Variants in CPT1A observed in about 807,000 individuals in gnomAD.
CPT1A encodes the protein carnitine O-palmitoyltransferase 1, liver isoform.
CPT1A carries 64 observed loss-of-function variants against 100.8 expected under a neutral mutation model. The observed-to-expected ratio is 0.63, with a 90% CI of 0.52 to 0.78. CPT1A has a LOEUF of 0.78. Ranked by LOEUF, CPT1A falls within the 30% of genes least tolerant of loss-of-function variation. The pLI, the probability that CPT1A is intolerant of heterozygous loss-of-function variation, is 0.00. For missense variants in CPT1A, 802 were observed against 1,034.1 expected, an observed-to-expected ratio of 0.78 and a Z score of 3.08; for synonymous variants, 363 against 396.0, an observed-to-expected ratio of 0.92 and a Z score of 0.99.
chr11:68,826,099 CAG>C (rs1856719512), intron 1 of CPT1A, among the ~76,000 whole-genome samples: 1 of 152,210 alleles, frequency 6.6e-6, no homozygotes, highest in African/African-American at 2.4e-5. Context: ...GGCCCCAGAC[CAG>C]AGTCTGAGAG....
At chr11:68,760,383 C>A (rs772674505) in intron 16 of CPT1A, 45 bp from the exon 17 acceptor site, 1 of 1,482,818 alleles carries the variant, frequency 6.7e-7, no homozygotes, top group Non-Finnish European at 9.3e-7. Context: ...CCTCCTCTAC[C>A]GTCCCTCAGG....
At chr11:68,812,412 T>A (rs761072715) in intron 3 of CPT1A, 25 bp downstream of exon 3, 1 of 1,613,844 alleles carries the variant, frequency 6.2e-7, no homozygotes, top group Non-Finnish European at 8.5e-7. Flanking sequence ...TCCCAGACAA[T>A]TGGAGATTTC....
At chr11:68,818,590 G>C (rs1490080835) in intron 1 of CPT1A, 1 of 152,440 alleles carries the variant, frequency 6.6e-6, no homozygotes, top group African/African-American at 2.4e-5. Flanking sequence ...CAGGCACGAT[G>C]GCTCATACCT....
intron 14 of CPT1A, among the ~76,000 whole-genome samples, chr11:68,772,925 C>T (rs1855029756): frequency 6.6e-6 from 1 of 152,208 alleles, no homozygotes; most frequent in South Asian, 2.1e-4. Context: ...TACCTGCCCA[C>T]ACTATTTCCA....
At chr11:68,771,899 C>A (rs888158885) in intron 14 of CPT1A, among the ~76,000 whole-genome samples, 1 of 152,170 alleles carries the variant, frequency 6.6e-6, no homozygotes, top group African/African-American at 2.4e-5. Flanking sequence ...ATAATGGGGA[C>A]TTGTAAATTT....
chr11:68,788,074 T>C (rs1855513530), intron 9 of CPT1A, among the ~76,000 whole-genome samples: 1 of 152,116 alleles, frequency 6.6e-6, no homozygotes, highest in South Asian at 2.1e-4. Flanking sequence ...CACCTTGATG[T>C]TGGAGTTCCA....
At chr11:68,788,630 T>TAAAAAAAAAAAAAAAAAAAAAAAAAGA in intron 9 of CPT1A, among the ~76,000 whole-genome samples, 2 of 27,550 alleles carry the variant, frequency 7.3e-5, no homozygotes, top group African/African-American at 1.4e-4. Flanking sequence ...CAAACAAAAG[T>TAAAAAAAAAAAAAAAAAAAAAAAAAGA]AAAAAAAAAA....
chr11:68,802,861 C>T (rs756734267), intron 5 of CPT1A, among the ~76,000 whole-genome samples: 4 of 137,792 alleles, frequency 2.9e-5, no homozygotes, highest in African/African-American at 8.3e-5. Flanking sequence ...CGCGCCACTG[C>T]ACTCTAGCCT....
intron 14 of CPT1A, among the ~76,000 whole-genome samples, chr11:68,768,093 T>TTTTTTGTGG (rs1854868519): frequency 6.9e-6 from 1 of 144,370 alleles, no homozygotes; most frequent in Non-Finnish European, 1.5e-5. Context: ...TTTTTTTTTT[T>TTTTTTGTGG]GAGAGGGAGT....
At chr11:68,840,064 G>A (rs1482524551) in intron 1 of CPT1A, among the ~76,000 whole-genome samples, 1 of 152,232 alleles carries the variant, frequency 6.6e-6, no homozygotes, top group East Asian at 1.9e-4. Flanking sequence ...GGCTAGCAAT[G>A]CTTCACAGGA....
At chr11:68,789,625 C>G (rs886728581) in intron 9 of CPT1A, among the ~76,000 whole-genome samples, 1 of 152,194 alleles carries the variant, frequency 6.6e-6, no homozygotes, top group African/African-American at 2.4e-5. Context: ...TGGTCTCGAA[C>G]TCCTGACCTC....
At position 68,758,508 on chromosome 11, in the gene CPT1A, C is replaced by T. The variant is rs79419735; in HGVS notation, c.2236-778G>A. The stretch of plus-strand genomic sequence containing the variant: ...TGTGTACCCATTATTTTTAGTTCAT[C>T]TTCCAAGTGCTAAAGAGTCTGAAAG... On this transcript the variant is annotated intron_variant, in intron 18 of 18. Transcript: ENST00000265641. 3.3e-3 allele frequency among the ~76,000 whole-genome samples: 504 copies of T among 152,236 alleles called. 2 individuals carry two copies. The highest frequency in any genetic ancestry group is 0.012 in the African/African-American group (488 of 41,534).
chr11:68,761,449 T>C, intron 16 of CPT1A, 86 bp downstream of exon 16: 4 of 1,480,150 alleles, frequency 2.7e-6, no homozygotes, highest in Non-Finnish European at 3.8e-6. Context: ...CATTCTGACA[T>C]TAAAATATGT....
chr11:68,825,364 A>G (rs1435715155), intron 1 of CPT1A, among the ~76,000 whole-genome samples: 1 of 152,122 alleles, frequency 6.6e-6, no homozygotes, highest in African/African-American at 2.4e-5. Context: ...CCCACCTCCC[A>G]GGAAGGGAAG....
intron 9 of CPT1A, among the ~76,000 whole-genome samples, chr11:68,793,083 A>G (rs1348857817): frequency 1.3e-5 from 2 of 152,040 alleles, no homozygotes; most frequent in African/African-American, 4.8e-5. Flanking sequence ...CAAACACTCT[A>G]TGAGACAGTT....
At chr11:68,829,682 T>A (rs919482117) in intron 1 of CPT1A, among the ~76,000 whole-genome samples, 1 of 152,164 alleles carries the variant, frequency 6.6e-6, no homozygotes, top group Non-Finnish European at 1.5e-5. Flanking sequence ...GAACTAGCCC[T>A]GGGAATGGAC....
intron 1 of CPT1A, among the ~76,000 whole-genome samples, chr11:68,834,091 A>G (rs1856949782): frequency 6.6e-6 from 1 of 152,238 alleles, no homozygotes; most frequent in African/African-American, 2.4e-5. Flanking sequence ...GAAGTTTATC[A>G]TAATGGACTA....
Position 68,759,604 on chromosome 11 carries a change from A to T in CPT1A, c.2200T>A (p.Phe734Ile). The T allele has an allele frequency of 6.2e-7, 1 of 1,613,826 alleles. No homozygotes were observed. The highest frequency in any genetic ancestry group is 8.5e-7 in the Non-Finnish European group (1 of 1,179,738). The change falls in exon 18 of 19, where the codon TTC (phenylalanine) becomes ATC (isoleucine). Residue 734 changes from phenylalanine to isoleucine, a missense_variant. Phe to Ile is a conservative substitution (Grantham distance 21). Around this residue, in one of 4 missense-constraint regions of CPT1A, gnomAD observed 627 missense variants for 799.3 expected, o/e 0.78. Coordinates refer to ENST00000265641, the MANE Select transcript of CPT1A (RefSeq NM_001876.4). ...YILVGENLIN[F>I]HISSKFSCPE... ...CAAGAGAACTTGGAAGAAATGTGGA[A>T]ATTGATGAGGTTCTCTCCCACAAGG...
chr11:68,824,511 TA>T (rs1275675678), intron 1 of CPT1A, among the ~76,000 whole-genome samples: 19 of 152,186 alleles, frequency 1.2e-4, no homozygotes, highest in Non-Finnish European at 2.5e-4. Flanking sequence ...AAACAACTGT[TA>T]CCTCATGGCA....
Sources: gnomAD v4.1 joint callset for allele counts (sites outside exome capture counted in the v4.1 genomes callset) on GRCh38, gnomAD v4.1.1 for gene constraint, gnomAD v4.1.1 regional missense constraint, MANE v1.5 for transcripts, NCBI Gene and HGNC (gene_info 2026-07-23, HGNC 2026-07-21) for gene names.